The following PCDH15 variants were observed in gnomAD, a reference collection of about 807,000 sequenced individuals.
PCDH15 encodes the protein protocadherin-15.
A neutral mutation model predicts 178.5 loss-of-function variants in PCDH15; 129 were observed. The ratio of observed to expected loss-of-function variants is 0.72; its 90% CI spans 0.63 to 0.84. PCDH15 has a LOEUF of 0.84. Ranked by LOEUF, PCDH15 falls within the 40% of genes least tolerant of loss-of-function variation. PCDH15 has a pLI of 0.00. For missense variants in PCDH15, 2,230 were observed against 2,099.9 expected (o/e 1.06, Z -1.21); for synonymous variants, 800 against 732.0 (o/e 1.09, Z -1.50).
chr10:54,705,962 G>A (rs2095361194), intron 1 of PCDH15, among the ~76,000 whole-genome samples: 1 of 152,094 alleles, frequency 6.6e-6, no homozygotes, highest in African/African-American at 2.4e-5. Context: ...CTCAGAGAGT[G>A]GAGATTAGGC....
intron 2 of PCDH15, among the ~76,000 whole-genome samples, chr10:55,601,929 C>A (rs547237765): frequency 3.9e-5 from 6 of 152,212 alleles, no homozygotes; most frequent in African/African-American, 1.4e-4. Context: ...CAGCTCCCAG[C>A]GTGAGCGACG....
At chr10:54,452,607 A>G (rs2891522) in intron 3 of PCDH15, 72,704 of 151,378 alleles carry the variant, frequency 0.48, 17,650 homozygotes, top group Middle Eastern at 0.59. Flanking sequence ...TTTTTTTTCC[A>G]TTTCCTATTC....
intron 1 of PCDH15, among the ~76,000 whole-genome samples, chr10:55,174,678 A>G (rs1296388902): frequency 6.6e-6 from 1 of 152,196 alleles, no homozygotes; most frequent in African/African-American, 2.4e-5. Flanking sequence ...AGCTGCCTCC[A>G]GCAGGCGAGT....
chr10:54,896,030 G>A (rs1954539059), intron 3 of PCDH15, among the ~76,000 whole-genome samples: 1 of 151,924 alleles, frequency 6.6e-6, no homozygotes, highest in Non-Finnish European at 1.5e-5. Flanking sequence ...AGGACTAGAG[G>A]TGCGTGTCAC....
intron 2 of PCDH15, among the ~76,000 whole-genome samples, chr10:55,520,491 C>CTG (rs986343888): frequency 7.5e-5 from 10 of 133,934 alleles, no homozygotes; most frequent in African/African-American, 1.9e-4. Flanking sequence ...AAATTATTAG[C>CTG]TGTGTGTGTG....
Position 54,346,371 on chromosome 10 carries a change from A to G in PCDH15, c.588T>C (p.Asp196=). 6.2e-7 allele frequency: 1 copy of G among 1,613,078 alleles called. No individual in the cohort carries two copies. The highest frequency in any genetic ancestry group is 8.5e-7 in the Non-Finnish European group (1 of 1,179,222). Residue 196 remains aspartate, a synonymous_variant, in exon 6 of 38, where the codon GAT becomes GAC. Coordinates refer to ENST00000644397, the MANE Select transcript of PCDH15 (RefSeq NM_001384140.1). The stretch of plus-strand genomic sequence containing the variant: ...CAAATAGGTATTTACATACCGGATC[A>G]TCTGGATTATACTGAATAACATACT... The part of the protein sequence containing the change: ...QIEYVIQYNP[D]DPTSNDTFEI...
chr10:54,458,561 C>T (rs2076974832), intron 3 of PCDH15, among the ~76,000 whole-genome samples: 1 of 152,056 alleles, frequency 6.6e-6, no homozygotes, highest in Non-Finnish European at 1.5e-5. Context: ...CTTTTATACA[C>T]CCTTTGTGAT....
intron 2 of PCDH15, among the ~76,000 whole-genome samples, chr10:55,431,814 T>A (rs7910072): frequency 0.77 from 116,840 of 151,950 alleles, 46,216 homozygotes; most frequent in East Asian, 1. Flanking sequence ...CCATTAAAAA[T>A]AGCCCATATA....
At chr10:55,374,054 C>T (rs1845564400) in intron 2 of PCDH15, among the ~76,000 whole-genome samples, 1 of 150,468 alleles carries the variant, frequency 6.6e-6, no homozygotes. Flanking sequence ...CACACCTGCA[C>T]GTTCTGCACA....
intron 23 of PCDH15, among the ~76,000 whole-genome samples, chr10:53,947,921 G>T (rs560367955): frequency 2.3e-4 from 35 of 152,212 alleles, no homozygotes; most frequent in Admixed American, 2.0e-3. Flanking sequence ...TTTTTCCTTT[G>T]CTTAAATTAT....
intron 1 of PCDH15, among the ~76,000 whole-genome samples, chr10:55,171,687 T>C (rs1839334876): frequency 6.6e-6 from 1 of 152,162 alleles, no homozygotes; most frequent in Non-Finnish European, 1.5e-5. Context: ...TGGTATGATT[T>C]CTAATATGTC....
At chr10:54,015,058 A>G (rs1314763290) in intron 20 of PCDH15, among the ~76,000 whole-genome samples, 1 of 152,164 alleles carries the variant, frequency 6.6e-6, no homozygotes, top group Non-Finnish European at 1.5e-5. Context: ...ACTTCAGCAA[A>G]GTTTCAGGAT....
At chr10:54,978,035 T>C (rs1232083041) in intron 2 of PCDH15, among the ~76,000 whole-genome samples, 4 of 152,196 alleles carry the variant, frequency 2.6e-5, no homozygotes, top group Non-Finnish European at 5.9e-5. Context: ...TAGTTCTTAA[T>C]ATTTCTTACC....
At chr10:53,846,050 A>ACT (rs1220476871) in intron 28 of PCDH15, among the ~76,000 whole-genome samples, 1 of 150,444 alleles carries the variant, frequency 6.6e-6, no homozygotes, top group Non-Finnish European at 1.5e-5. Context: ...ACACACACAC[A>ACT]AACAAAAAAA....
At chr10:54,166,351 G>A (rs1021413235) in intron 13 of PCDH15, among the ~76,000 whole-genome samples, 50 of 152,160 alleles carry the variant, frequency 3.3e-4, no homozygotes, top group African/African-American at 1.2e-3. Flanking sequence ...TTGAGGATTA[G>A]GGCTGTGCCT....
chr10:54,011,880 T>A (rs2092597760), intron 20 of PCDH15, among the ~76,000 whole-genome samples: 1 of 152,154 alleles, frequency 6.6e-6, no homozygotes, highest in Non-Finnish European at 1.5e-5. Flanking sequence ...AAAAAACAAG[T>A]GTCTTCTTTC....
intron 2 of PCDH15, among the ~76,000 whole-genome samples, chr10:55,593,342 T>C (rs1227704705): frequency 2.6e-5 from 4 of 152,018 alleles, no homozygotes; most frequent in African/African-American, 9.6e-5. Flanking sequence ...TAGGTGTTTC[T>C]AACAAATTTT....
chr10:55,347,131 C>T (rs1844784234), intron 2 of PCDH15, among the ~76,000 whole-genome samples: 1 of 152,132 alleles, frequency 6.6e-6, no homozygotes, highest in South Asian at 2.1e-4. Context: ...GGGAGGATTG[C>T]TTGAACCTAG....
chr10:54,264,253 TCTGA>T (rs1385732494), intron 8 of PCDH15, among the ~76,000 whole-genome samples: 1 of 152,118 alleles, frequency 6.6e-6, no homozygotes, highest in Non-Finnish European at 1.5e-5. Flanking sequence ...TATAGAGAAC[TCTGA>T]CTAATACAAA....
Sources: allele counts gnomAD v4.1 joint callset (sites outside exome capture counted in the v4.1 genomes callset), GRCh38; gene constraint gnomAD v4.1.1; transcripts MANE v1.5; gene names NCBI Gene and HGNC (gene_info 2026-07-23, HGNC 2026-07-21).